Variants in C1orf94 observed in about 807,000 individuals in gnomAD.
C1orf94 encodes the protein chromosome 1 open reading frame 94.
A neutral mutation model predicts 53.6 loss-of-function variants in C1orf94; 45 were observed. That is an observed-to-expected ratio of 0.84 (90% CI 0.66 to 1.08). The LOEUF (loss-of-function observed/expected upper bound fraction) is 1.08. Ranked by LOEUF, C1orf94 falls within the 50% of genes least tolerant of loss-of-function variation. The pLI is 0.00. For missense variants in C1orf94, 762 were observed against 738.9 expected, an observed-to-expected ratio of 1.03 and a Z score of -0.36; for synonymous variants, 304 against 296.1, an observed-to-expected ratio of 1.03 and a Z score of -0.27.
Position 34,202,226 on chromosome 1 carries a change from G to A in C1orf94, c.1413G>A (p.Val471=). The stretch of plus-strand genomic sequence containing the variant: ...ACCTGAACTATCCACCTCCACCAGT[G>A]TTCACGAATCACTCTACCTTCTTGC... ...WLNLNYPPPP[V]FTNHSTFLQY... The change falls in exon 4 of 7, where the codon GTG becomes GTA. Residue 471 remains valine (V), a synonymous_variant. Coordinates refer to ENST00000488417, the MANE Select transcript of C1orf94 (RefSeq NM_001134734.2). 6.2e-7 allele frequency: 1 copy of A among 1,614,188 alleles called. No individual in the cohort carries two copies. Among genetic ancestry groups the A allele is most frequent in the South Asian group, 1.1e-5 (1 of 91,088 alleles).
At position 34,184,616 on chromosome 1, in the gene C1orf94, G is replaced by A. The variant is rs75148777; in HGVS notation, c.320+6507G>A. 7.9e-3 allele frequency among the ~76,000 whole-genome samples: 1,197 copies of A among 152,308 alleles called. 17 individuals carry two copies. The highest frequency in any genetic ancestry group is 0.068 in the East Asian group (353 of 5,186). ...GCTATTTGTTGCAAGAAGGAAGAAGGCTTTTTTGCACTTATTTTGGTAAAC... is the reference window on the plus strand; with the variant it reads ...GCTATTTGTTGCAAGAAGGAAGAAGACTTTTTTGCACTTATTTTGGTAAAC... On this transcript the variant is annotated intron_variant, in intron 1 of 6. Coordinates refer to ENST00000488417, the MANE Select transcript of C1orf94 (RefSeq NM_001134734.2).
chr1:34,213,561 A>T (rs979668876), intron 6 of C1orf94, among the ~76,000 whole-genome samples: 12 of 151,832 alleles, frequency 7.9e-5, no homozygotes, highest in Admixed American at 2.6e-4. Flanking sequence ...TTTTTTTGAG[A>T]TGGAGTTTCA....
At chr1:34,214,601 A>C (rs1642952602) in intron 6 of C1orf94, among the ~76,000 whole-genome samples, 1 of 152,160 alleles carries the variant, frequency 6.6e-6, no homozygotes, top group Non-Finnish European at 1.5e-5. Context: ...GACTTGCTGT[A>C]GGAGATAGCC....
intron 1 of C1orf94, among the ~76,000 whole-genome samples, chr1:34,187,808 T>C (rs558051594): frequency 2.9e-4 from 23 of 79,120 alleles, no homozygotes; most frequent in African/African-American, 1.1e-3. Context: ...CCAACACTTC[T>C]AGTTCTTGCC....
upstream of C1orf94, among the ~76,000 whole-genome samples, chr1:34,174,070 C>T (rs1202058745): frequency 6.6e-6 from 1 of 152,236 alleles, no homozygotes; most frequent in South Asian, 2.1e-4. Flanking sequence ...TCTTTTTCAT[C>T]ATCTCTAATC....
Position 34,208,135 on chromosome 1 carries a change from C to G in C1orf94, c.1447-22C>G, listed in dbSNP as rs749731038. On this transcript the variant is annotated intron_variant, in intron 4 of 6. Coordinates refer to ENST00000488417, the MANE Select transcript of C1orf94 (RefSeq NM_001134734.2). ...GCAGGAAACCCCTTGCCTGGCCATACTGAGCCTCTGTTTCTCCCCAGGGCC... is the reference window on the plus strand; with the variant it reads ...GCAGGAAACCCCTTGCCTGGCCATAGTGAGCCTCTGTTTCTCCCCAGGGCC... 7.4e-6 allele frequency: 12 copies of G among 1,613,048 alleles called. No individual in the cohort carries two copies. The African/African-American group carries it at 9.3e-5, about 13-fold the overall frequency.
At chr1:34,202,048 A>G (rs779784040) in intron 3 of C1orf94, 36 bp from the exon 4 acceptor site, 3 of 1,602,490 alleles carry the variant, frequency 1.9e-6, no homozygotes, top group Middle Eastern at 1.7e-4. Context: ...CCCTGCCTCC[A>G]TCACTGACCC....
intron 1 of C1orf94, among the ~76,000 whole-genome samples, chr1:34,187,768 C>CA (rs1642406552): frequency 3.3e-5 from 1 of 30,566 alleles, no homozygotes; most frequent in Non-Finnish European, 6.8e-5. Context: ...TGAATCCACC[C>CA]ACCCCCCCCC....
Position 34,189,656 on chromosome 1 carries a change from C to T in C1orf94, c.321-7569C>T, listed in dbSNP as rs151120815. Among the ~76,000 whole-genome samples, 1,254 of 152,322 alleles carry T rather than the reference C, an allele frequency of 8.2e-3. 1 individual carries two copies. Among genetic ancestry groups the T allele is most frequent in the Non-Finnish European group, 0.011 (736 of 68,024 alleles). On this transcript the variant is annotated intron_variant, in intron 1 of 6. Coordinates refer to ENST00000488417, the MANE Select transcript of C1orf94 (RefSeq NM_001134734.2). ...CCACTGGGGAAGATGCTAGGTTGGA[C>T]GCCAGAGCCACTGCTTACATGATAA... is the stretch of plus-strand genomic sequence containing the variant.
At chr1:34,186,054 GT>G (rs1642379799) in intron 1 of C1orf94, among the ~76,000 whole-genome samples, 1 of 152,140 alleles carries the variant, frequency 6.6e-6, no homozygotes, top group Admixed American at 6.5e-5. Flanking sequence ...TGAATTCTTT[GT>G]TGCTCACATC....
intron 2 of C1orf94, among the ~76,000 whole-genome samples, chr1:34,199,249 C>T (rs1224832832): frequency 1.3e-5 from 2 of 152,108 alleles, no homozygotes; most frequent in Admixed American, 6.5e-5. Context: ...GAGGGAGCTT[C>T]GTAGATGTTT....
At chr1:34,171,290 C>T (rs756039974) in intron 1 of C1orf94, among the ~76,000 whole-genome samples, 1 of 152,236 alleles carries the variant, frequency 6.6e-6, no homozygotes, top group South Asian at 2.1e-4. Flanking sequence ...GTTTTGTTCT[C>T]TCTGCCTAGA....
At chr1:34,208,977 A>G (rs1289460718) in intron 5 of C1orf94, among the ~76,000 whole-genome samples, 1 of 152,186 alleles carries the variant, frequency 6.6e-6, no homozygotes, top group African/African-American at 2.4e-5. Context: ...ACCCAGTTAA[A>G]TTTGAATTTC....
intron 1 of C1orf94, among the ~76,000 whole-genome samples, chr1:34,189,834 C>T (rs2148615003): frequency 1.3e-5 from 2 of 152,366 alleles, no homozygotes; most frequent in Middle Eastern, 6.8e-3. Context: ...TGGCCTCTGG[C>T]CCTGCCTGAA....
chr1:34,183,931 C>T (rs1642347467), intron 1 of C1orf94, among the ~76,000 whole-genome samples: 1 of 152,030 alleles, frequency 6.6e-6, no homozygotes, highest in East Asian at 1.9e-4. Context: ...AAGCTGGGGA[C>T]AGTCTCTGAC....
intron 6 of C1orf94, 33 bp downstream of exon 6, chr1:34,212,439 T>C: frequency 6.3e-7 from 1 of 1,576,336 alleles, no homozygotes. Flanking sequence ...CCTAAGGGTA[T>C]CCAGAAAGCT....
intron 6 of C1orf94, among the ~76,000 whole-genome samples, chr1:34,216,706 C>T (rs1642993928): frequency 6.6e-6 from 1 of 152,166 alleles, no homozygotes; most frequent in African/African-American, 2.4e-5. Context: ...TCAATTTGCA[C>T]ACATTCATCA....
chr1:34,182,794 T>A (rs773808168), intron 1 of C1orf94, among the ~76,000 whole-genome samples: 1 of 151,766 alleles, frequency 6.6e-6, no homozygotes, highest in Admixed American at 6.6e-5. Flanking sequence ...GTGTAGGGCC[T>A]CAGAGCAAAG....
intron 2 of C1orf94, among the ~76,000 whole-genome samples, chr1:34,199,215 T>C (rs1642652645): frequency 6.6e-6 from 1 of 152,232 alleles, no homozygotes. Flanking sequence ...AGTGTGTCTA[T>C]GTCTGTGTGC....
Sources: allele counts gnomAD v4.1 joint callset (sites outside exome capture counted in the v4.1 genomes callset), GRCh38; gene constraint gnomAD v4.1.1; transcripts MANE v1.5; gene names NCBI Gene and HGNC (gene_info 2026-07-23, HGNC 2026-07-21).